The following REST variants were observed in gnomAD, a reference collection of about 807,000 sequenced individuals.
The protein encoded by REST is RE1-silencing transcription factor.
A neutral mutation model predicts 30.4 loss-of-function variants in REST; 1 was observed. The observed-to-expected ratio is 0.03, with a 90% CI of 0.01 to 0.16. The LOEUF (loss-of-function observed/expected upper bound fraction) is 0.16, where lower values mean the gene tolerates loss of function less well. Ranked by LOEUF, REST falls within the 10% of genes least tolerant of loss-of-function variation. The probability of loss-of-function intolerance (pLI) is 1.00; values close to 1 mark genes in which losing one functional copy is unlikely to be tolerated. For missense variants in REST, 1,259 were observed against 1,329.5 expected (o/e 0.95, Z 0.82); for synonymous variants, 504 against 451.1 (o/e 1.12, Z -1.49).
chr4:56,931,638 A>G lies in REST; in HGVS notation c.2780A>G (p.Asn927Ser), dbSNP rs557500462. 2.5e-6 allele frequency: 4 copies of G among 1,614,270 alleles called. No individual in the cohort carries two copies. Among genetic ancestry groups the G allele is most frequent in the Admixed American group, 1.7e-5 (1 of 60,030 alleles). Reference protein sequence around the residue: ...THISSSGQNLNTPEGETLNGK... With the variant: ...THISSSGQNLSTPEGETLNGK... ...ATTTCATCCTCTGGACAAAACTTGA[A>G]TACGCCAGAGGGTGAAACTTTAAAT... The change falls in exon 4 of 4, where the codon AAT (asparagine) becomes AGT (serine). Residue 927 changes from asparagine to serine, a missense_variant. Physicochemically the swap from Asn to Ser is conservative, Grantham distance 46. Coordinates refer to ENST00000309042, the MANE Select transcript of REST (RefSeq NM_005612.5).
chr4:56,922,870 A>T (rs1191891190), intron 3 of REST, among the ~76,000 whole-genome samples: 1 of 152,232 alleles, frequency 6.6e-6, no homozygotes, highest in Admixed American at 6.5e-5. Flanking sequence ...GATATGCCTC[A>T]TTTAAAGTCA....
At position 56,931,653 on chromosome 4, in the gene REST, A is replaced by G. The variant is rs771546534; in HGVS notation, c.2795A>G (p.Glu932Gly). ...SGQNLNTPEG[E>G]TLNGKHQTDS... ...CAAAACTTGAATACGCCAGAGGGTGAAACTTTAAATGGTAAACATCAGACT... is the reference window on the plus strand; with the variant it reads ...CAAAACTTGAATACGCCAGAGGGTGGAACTTTAAATGGTAAACATCAGACT... Residue 932 changes from glutamate to glycine, a missense_variant, in exon 4 of 4, where the codon GAA becomes GGA. Physicochemically the swap from Glu to Gly is moderately conservative, Grantham distance 98. Transcript: ENST00000309042. 5 of 1,614,252 alleles carry G rather than the reference A, an allele frequency of 3.1e-6. No individual in the cohort carries two copies. Among genetic ancestry groups the G allele is most frequent in the Non-Finnish European group, 2.5e-6 (3 of 1,180,036 alleles).
At chr4:56,917,791 C>T (rs1389148242) in intron 2 of REST, among the ~76,000 whole-genome samples, 1 of 152,092 alleles carries the variant, frequency 6.6e-6, no homozygotes, top group Non-Finnish European at 1.5e-5. Context: ...GCGGCTCATG[C>T]CTGTAATCCC....
chr4:56,913,404 G>A (rs1248477033), intron 2 of REST, among the ~76,000 whole-genome samples: 1 of 152,166 alleles, frequency 6.6e-6, no homozygotes, highest in East Asian at 1.9e-4. Flanking sequence ...ACTATTGGTA[G>A]CTCATTTGGA....
At chr4:56,917,323 T>C (rs1438424326) in intron 2 of REST, among the ~76,000 whole-genome samples, 1 of 152,272 alleles carries the variant, frequency 6.6e-6, no homozygotes, top group African/African-American at 2.4e-5. Flanking sequence ...TTCTTTTTGT[T>C]GTTGTTTGTT....
chr4:56,929,023 C>G (rs1010278497), intron 3 of REST, among the ~76,000 whole-genome samples: 2 of 151,924 alleles, frequency 1.3e-5, no homozygotes, highest in Non-Finnish European at 2.9e-5. Flanking sequence ...CTTTGCCTCC[C>G]GAGTAGCTAG....
In REST at chr4:56,932,328, T is replaced by G. The variant is rs1208386148; in HGVS notation, c.*176T>G. On this transcript the variant is annotated 3_prime_UTR_variant, in exon 4 of 4. Transcript: ENST00000309042. ...ATACCTGTTGATTGTTGTGTAAATT[T>G]TAGTAAATCTAAGAGAGTGTACTAA... 2.8e-5 allele frequency: 19 copies of G among 667,544 alleles called. No homozygotes were observed. The East Asian group carries it at 4.8e-4, about 17-fold the overall frequency. 41.4% of individuals were successfully genotyped at this position (667,544 alleles called of 1,614,324 possible).
intron 2 of REST, among the ~76,000 whole-genome samples, chr4:56,918,820 G>A (rs1241036091): frequency 6.6e-6 from 1 of 151,492 alleles, no homozygotes; most frequent in Non-Finnish European, 1.5e-5. Flanking sequence ...ACAGGCATGC[G>A]CCACCACGCC....
At position 56,915,499 on chromosome 4, in the gene REST, C is replaced by T. The variant is rs142319763; in HGVS notation, c.898+3963C>T. ...TCCTGACCTTGTGATCAGCTGACCT[C>T]GGCCTCTCAAGGTGCTGGAATTACA... On this transcript the variant is annotated intron_variant, in intron 2 of 3. Coordinates refer to ENST00000309042, the MANE Select transcript of REST (RefSeq NM_005612.5). 5.3e-3 allele frequency among the ~76,000 whole-genome samples: 801 copies of T among 152,154 alleles called. 23 individuals carry two copies. Among genetic ancestry groups the T allele is most frequent in the Admixed American group, 0.048 (732 of 15,258 alleles).
At chr4:56,918,126 G>A (rs1323313885) in intron 2 of REST, among the ~76,000 whole-genome samples, 1 of 151,624 alleles carries the variant, frequency 6.6e-6, no homozygotes, top group African/African-American at 2.4e-5. Context: ...CTACCTTTGA[G>A]TCTTAAATTC....
rs77133253 is a variant in REST at position 56,929,962 on chromosome 4, C to T, written c.1104C>T (p.Tyr368=). 1.9e-6 allele frequency: 3 copies of T among 1,614,114 alleles called. No homozygotes were observed. The highest frequency in any genetic ancestry group is 2.5e-6 in the Non-Finnish European group (3 of 1,180,038). The change falls in exon 4 of 4, where the codon TAC becomes TAT. Residue 368 remains tyrosine, a synonymous_variant. Coordinates refer to ENST00000309042, the MANE Select transcript of REST (RefSeq NM_005612.5). ...CTCTTAATTGCCCACACTGTGATTACAAAACAGCAGATAGAAGCAACTTCA... is the reference window on the plus strand; with the variant it reads ...CTCTTAATTGCCCACACTGTGATTATAAAACAGCAGATAGAAGCAACTTCA... The part of the protein sequence containing the change: ...PKPLNCPHCD[Y]KTADRSNFKK...
chr4:56,910,646 C>T lies in REST; in HGVS notation c.8C>T (p.Thr3Ile). 6.2e-7 allele frequency: 1 copy of T among 1,607,342 alleles called. No homozygotes were observed. The highest frequency in any genetic ancestry group is 8.5e-7 in the Non-Finnish European group (1 of 1,175,170). MA[T>I]QVMGQSSGGG... ...TTAATTCAGAATACAGTTATGGCCA[C>T]CCAGGTAATGGGGCAGTCTTCTGGA... The change falls in exon 2 of 4, where the codon ACC becomes ATC. Residue 3 changes from threonine to isoleucine, a missense_variant. Around this residue, in one of 5 missense-constraint regions of REST, gnomAD observed 249 missense variants for 251.5 expected, o/e 0.99. Coordinates refer to ENST00000309042, the MANE Select transcript of REST (RefSeq NM_005612.5).
chr4:56,909,691 A>G (rs1037749248), intron 1 of REST: 3 of 152,048 alleles, frequency 2.0e-5, no homozygotes, highest in Non-Finnish European at 4.4e-5. Flanking sequence ...TACTTTTTTT[A>G]ATTTGCGAGT....
chr4:56,913,628 G>T (rs1245890256), intron 2 of REST, among the ~76,000 whole-genome samples: 1 of 152,118 alleles, frequency 6.6e-6, no homozygotes, highest in Non-Finnish European at 1.5e-5. Flanking sequence ...GCTGCTTTAA[G>T]TGGAGTGGTA....
chr4:56,918,051 CAAAAAAAAA>C (rs528213458), intron 2 of REST, among the ~76,000 whole-genome samples: 1 of 98,156 alleles, frequency 1.0e-5, no homozygotes, highest in Non-Finnish European at 2.0e-5. Flanking sequence ...GACTCCGTCT[CAAAAAAAAA>C]AAAAAAAAGG....
At chr4:56,923,232 G>A (rs1485948869) in intron 3 of REST, among the ~76,000 whole-genome samples, 1 of 152,172 alleles carries the variant, frequency 6.6e-6, no homozygotes, top group Non-Finnish European at 1.5e-5. Context: ...CTGAGTTTCA[G>A]ATTACATATT....
At position 56,930,961 on chromosome 4, in the gene REST, G is replaced by T; in HGVS notation, c.2103G>T (p.Met701Ile). 1 of 1,613,958 alleles carries T rather than the reference G, an allele frequency of 6.2e-7. No individual in the cohort carries two copies. The highest frequency in any genetic ancestry group is 1.3e-5 in the African/African-American group (1 of 75,048). Residue 701 changes from methionine (M) to isoleucine (I), a missense_variant, in exon 4 of 4, where the codon ATG becomes ATT. Met to Ile is a conservative substitution (Grantham distance 10, BLOSUM62 1). Coordinates refer to ENST00000309042, the MANE Select transcript of REST (RefSeq NM_005612.5). ...METAQTEVAQ[M>I]GPAPMEPAQM... is the part of the protein sequence containing the mutation. Reference sequence around the variant, plus strand: ...CTGCTCAGACGGAGGTTGCCCAAATGGGGCCTGCTCCCATGGAACCTGCTC... The same window carrying T: ...CTGCTCAGACGGAGGTTGCCCAAATTGGGCCTGCTCCCATGGAACCTGCTC...
Position 56,935,306 on chromosome 4 carries a change from A to C in REST, c.*3154A>C, listed in dbSNP as rs192732621. On this transcript the variant is annotated 3_prime_UTR_variant, in exon 4 of 4. Coordinates refer to ENST00000309042, the MANE Select transcript of REST (RefSeq NM_005612.5). ...TTTTACATAAGTCAGAAAAACTTAC[A>C]GCTGGTGTTCCTAGTTTCCTGGTTG... 39 of 152,358 alleles carry C rather than the reference A, an allele frequency of 2.6e-4. No homozygotes were observed. The highest frequency in any genetic ancestry group is 2.9e-4 in the Non-Finnish European group (20 of 68,030). The allele number at this position is 152,358 out of a possible 1,614,324, so 9.4% of individuals were successfully genotyped here.
At chr4:56,921,339 C>T (rs559557946) in intron 3 of REST, among the ~76,000 whole-genome samples, 8 of 152,130 alleles carry the variant, frequency 5.3e-5, no homozygotes, top group African/African-American at 9.7e-5. Flanking sequence ...ATTAAGCTTT[C>T]GAAACATTAG....
Sources: gnomAD v4.1 joint callset for allele counts (sites outside exome capture counted in the v4.1 genomes callset) on GRCh38, gnomAD v4.1.1 for gene constraint, gnomAD v4.1.1 regional missense constraint, MANE v1.5 for transcripts, NCBI Gene and HGNC (gene_info 2026-07-23, HGNC 2026-07-21) for gene names.